The following CNTN6 variants were observed in gnomAD, a reference collection of about 807,000 sequenced individuals.
The protein encoded by CNTN6 is contactin-6.
A neutral mutation model predicts 122.8 loss-of-function variants in CNTN6; 137 were observed. The observed-to-expected ratio is 1.12, with a 90% CI of 0.97 to 1.29. The LOEUF (loss-of-function observed/expected upper bound fraction) is 1.29. Ranked by LOEUF, CNTN6 falls within the 50% of genes most tolerant of loss-of-function variation. The pLI is 0.00. For missense variants in CNTN6, 1,634 were observed against 1,223.4 expected, an observed-to-expected ratio of 1.34 and a Z score of -5.01; for synonymous variants, 570 against 426.0, an observed-to-expected ratio of 1.34 and a Z score of -4.16.
intron 12 of CNTN6, among the ~76,000 whole-genome samples, chr3:1,369,516 T>A (rs1371479903): frequency 6.6e-6 from 1 of 152,108 alleles, no homozygotes; most frequent in Non-Finnish European, 1.5e-5. Flanking sequence ...CCATTATAAG[T>A]GATGAAATAA....
chr3:1,357,698 G>C (rs992422934), intron 12 of CNTN6, among the ~76,000 whole-genome samples: 3 of 151,844 alleles, frequency 2.0e-5, no homozygotes, highest in African/African-American at 4.8e-5. Context: ...AGGAATAAAA[G>C]TATAGTAACA....
intron 20 of CNTN6, among the ~76,000 whole-genome samples, chr3:1,390,340 T>C (rs1693930009): frequency 6.6e-6 from 1 of 151,762 alleles, no homozygotes; most frequent in Non-Finnish European, 1.5e-5. Flanking sequence ...AAGGCAGAAA[T>C]AAAGATGTTC....
chr3:1,340,394 A>C (rs1221485724), intron 11 of CNTN6, among the ~76,000 whole-genome samples: 1 of 152,160 alleles, frequency 6.6e-6, no homozygotes, highest in Non-Finnish European at 1.5e-5. Flanking sequence ...TGATAGATGG[A>C]GTCTTATTTA....
At chr3:1,141,640 A>T (rs1432792895) in intron 1 of CNTN6, among the ~76,000 whole-genome samples, 3 of 152,166 alleles carry the variant, frequency 2.0e-5, no homozygotes, top group Non-Finnish European at 2.9e-5. Flanking sequence ...TGACCTGAGG[A>T]TTTCCATAAA....
intron 4 of CNTN6, among the ~76,000 whole-genome samples, chr3:1,258,714 A>G (rs375031231): frequency 1.3e-5 from 2 of 152,072 alleles, no homozygotes; most frequent in African/African-American, 2.4e-5. Flanking sequence ...CTGAAGACCT[A>G]TATCTCCAGT....
At chr3:1,265,986 A>G (rs1281622819) in intron 4 of CNTN6, among the ~76,000 whole-genome samples, 2 of 152,258 alleles carry the variant, frequency 1.3e-5, no homozygotes, top group Non-Finnish European at 1.5e-5. Context: ...ACAAAACTTT[A>G]AAAGGCAATA....
intron 1 of CNTN6, among the ~76,000 whole-genome samples, chr3:1,122,337 C>CGA (rs1250819573): frequency 8.9e-6 from 1 of 111,748 alleles, no homozygotes; most frequent in Non-Finnish European, 1.8e-5. Flanking sequence ...GAAGGGAGGG[C>CGA]GAGAGAGAGG....
intron 2 of CNTN6, among the ~76,000 whole-genome samples, chr3:1,187,080 CCA>C (rs2125365451): frequency 6.6e-6 from 1 of 152,234 alleles, no homozygotes; most frequent in East Asian, 1.9e-4. Flanking sequence ...CCTATTTTAT[CCA>C]CATAGAATGG....
chr3:1,283,381 G>T (rs748093975), intron 5 of CNTN6, among the ~76,000 whole-genome samples: 1 of 152,148 alleles, frequency 6.6e-6, no homozygotes, highest in Non-Finnish European at 1.5e-5. Context: ...CCTCCAAAGT[G>T]AGCTTTTGTT....
chr3:1,145,169 C>G (rs2092698813), intron 1 of CNTN6, among the ~76,000 whole-genome samples: 1 of 152,126 alleles, frequency 6.6e-6, no homozygotes, highest in Non-Finnish European at 1.5e-5. Flanking sequence ...GTCAAGATAA[C>G]AGTTGTGAGA....
intron 4 of CNTN6, among the ~76,000 whole-genome samples, chr3:1,257,068 G>A (rs9864829): frequency 0.019 from 2,821 of 152,158 alleles, 86 homozygotes; most frequent in African/African-American, 0.063. Flanking sequence ...TGTACCCTTA[G>A]CAATCTGATG....
chr3:1,228,067 TC>T (rs2094307993), intron 4 of CNTN6, 74 bp downstream of exon 4: 1 of 1,416,156 alleles, frequency 7.1e-7, no homozygotes, highest in African/African-American at 1.4e-5. Flanking sequence ...ATTTTAAAAA[TC>T]TAGCTTTGCC....
At chr3:1,257,612 T>A (rs1559630954) in intron 4 of CNTN6, among the ~76,000 whole-genome samples, 1 of 152,276 alleles carries the variant, frequency 6.6e-6, no homozygotes, top group Admixed American at 6.6e-5. Flanking sequence ...GAGCCCATTT[T>A]CTACTTCAAA....
Position 1,383,041 on chromosome 3 carries a change from G to A in CNTN6, c.2266G>A (p.Val756Met), listed in dbSNP as rs762454787. Residue 756 changes from valine to methionine, a missense_variant, in exon 18 of 23, where the codon GTG (valine) becomes ATG (methionine). Coordinates refer to ENST00000446702, the MANE Select transcript of CNTN6 (RefSeq NM_001289080.2). ...CTGGTCCAAGGAGAAAGTGTCATCT[G>A]TGGAATCATCAAGGTTTGTCTACAG... The part of the protein sequence containing the change: ...TTWSKEKVSS[V>M]ESSRFVYRNE... The A allele has an allele frequency of 3.1e-6, 5 of 1,613,920 alleles. No homozygotes were observed. In the South Asian group the frequency reaches 4.4e-5, roughly 14 times the overall value.
At chr3:1,098,754 A>G (rs985740523) in intron 1 of CNTN6, among the ~76,000 whole-genome samples, 2 of 106,186 alleles carry the variant, frequency 1.9e-5, no homozygotes, top group Admixed American at 9.5e-5. Context: ...TTTGGCAGTA[A>G]TGCACACACA....
intron 3 of CNTN6, among the ~76,000 whole-genome samples, chr3:1,227,309 T>A (rs2094296801): frequency 6.6e-6 from 1 of 152,236 alleles, no homozygotes; most frequent in Admixed American, 6.5e-5. Context: ...AGTAACATAC[T>A]AACAGAGGTA....
intron 3 of CNTN6, 33 bp from the exon 4 acceptor site, chr3:1,227,785 A>C (rs1298676587): frequency 6.2e-7 from 1 of 1,606,200 alleles, no homozygotes; most frequent in East Asian, 2.2e-5. Flanking sequence ...GACTCTGTAT[A>C]TTATAAGCAC....
chr3:1,297,905 T>C lies in CNTN6; in HGVS notation c.675T>C (p.Tyr225=), dbSNP rs372556373. The change falls in exon 7 of 23, where the codon TAT becomes TAC. Residue 225 remains tyrosine, a synonymous_variant. Coordinates refer to ENST00000446702, the MANE Select transcript of CNTN6 (RefSeq NM_001289080.2). ...ATTTAACAGGTGTGATGGGGGAATA[T>C]GAACCAAAGATTGAAGTGCGTTTTC... is the stretch of plus-strand genomic sequence containing the variant. The part of the protein sequence containing the change: ...VQRTDGVMGE[Y]EPKIEVRFPE... 3.7e-6 allele frequency: 6 copies of C among 1,611,978 alleles called. No individual in the cohort carries two copies. The African/African-American group carries it at 6.7e-5, about 18-fold the overall frequency.
intron 5 of CNTN6, among the ~76,000 whole-genome samples, chr3:1,289,303 A>T (rs559261264): frequency 6.6e-6 from 1 of 152,164 alleles, no homozygotes; most frequent in African/African-American, 2.4e-5. Flanking sequence ...GAGCCAGCCC[A>T]TGGGGAGAAG....
Sources: allele counts gnomAD v4.1 joint callset (sites outside exome capture counted in the v4.1 genomes callset), GRCh38; gene constraint gnomAD v4.1.1; transcripts MANE v1.5; gene names NCBI Gene and HGNC (gene_info 2026-07-23, HGNC 2026-07-21).